The following COX8A variants were observed in gnomAD, a reference collection of about 807,000 sequenced individuals.
COX8A encodes the protein cytochrome c oxidase subunit 8A, mitochondrial.
COX8A carries 6 observed loss-of-function variants against 4.4 expected under a neutral mutation model. That is an observed-to-expected ratio of 1.36 (90% CI 0.74 to 2.68). COX8A has a LOEUF of 2.68. Ranked by LOEUF, COX8A falls within the 30% of genes most tolerant of loss-of-function variation. COX8A has a pLI of 0.00. For missense variants in COX8A, 72 were observed against 89.6 expected, an observed-to-expected ratio of 0.80 and a Z score of 0.79; for synonymous variants, 53 against 47.1, an observed-to-expected ratio of 1.12 and a Z score of -0.51.
In COX8A at chr11:63,974,792, A is replaced by T; in HGVS notation, c.112A>T (p.Met38Leu). Residue 38 changes from methionine (M) to leucine (L), a missense_variant and splice_region_variant, in exon 1 of 2, where the codon ATG becomes TTG. Physicochemically the swap from Met to Leu is conservative, Grantham distance 15. Coordinates refer to ENST00000314133, the MANE Select transcript of COX8A (RefSeq NM_004074.3). The stretch of plus-strand genomic sequence containing the variant: ...GCCGCCGGAGGGGAAGCTTGGGATC[A>T]TGGTGAGGAACGGGCCTGGAAGAGC... Reference protein sequence around the residue: ...SLPPEGKLGIMELAVGLTSCF... With the variant: ...SLPPEGKLGILELAVGLTSCF... 5 of 1,600,860 alleles carry T rather than the reference A, an allele frequency of 3.1e-6. No homozygotes were observed. Among genetic ancestry groups the T allele is most frequent in the Non-Finnish European group, 4.3e-6 (5 of 1,173,438 alleles).
At chr11:63,975,125 C>T (rs1942527948) in intron 1 of COX8A, among the ~76,000 whole-genome samples, 1 of 152,180 alleles carries the variant, frequency 6.6e-6, no homozygotes. Context: ...TGGGGGATGC[C>T]TGACGCTGTC....
At chr11:63,975,760 T>A (rs1942534550) in intron 1 of COX8A, among the ~76,000 whole-genome samples, 1 of 151,848 alleles carries the variant, frequency 6.6e-6, no homozygotes. Flanking sequence ...TTTTGTATTT[T>A]TAGTAGAGAC....
At position 63,974,703 on chromosome 11, in the gene COX8A, T is replaced by G. The variant is rs1292209992; in HGVS notation, c.23T>G (p.Leu8Arg). The G allele has an allele frequency of 1.9e-6, 3 of 1,609,948 alleles. No individual in the cohort carries two copies. Among genetic ancestry groups the G allele is most frequent in the Admixed American group, 1.7e-5 (1 of 59,538 alleles). The stretch of plus-strand genomic sequence containing the variant: ...ATCATGTCCGTCCTGACGCCGCTGC[T>G]GCTGCGGGGCTTGACAGGCTCGGCC... Reference protein sequence around the residue: MSVLTPLLLRGLTGSARR... With the variant: MSVLTPLRLRGLTGSARR... The change falls in exon 1 of 2, where the codon CTG becomes CGG. Residue 8 changes from leucine to arginine, a missense_variant. Coordinates refer to ENST00000314133, the MANE Select transcript of COX8A (RefSeq NM_004074.3).
chr11:63,975,794 C>T (rs976765942), intron 1 of COX8A, among the ~76,000 whole-genome samples: 4 of 151,770 alleles, frequency 2.6e-5, no homozygotes, highest in Non-Finnish European at 5.9e-5. Flanking sequence ...GTTGGTCAGG[C>T]TGGTCTCTAA....
At chr11:63,976,537 AACTTT>A (rs1421648667) in exon 2 of COX8A, 51 of 561,558 alleles carry the variant, frequency 9.1e-5, no homozygotes, top group Admixed American at 8.1e-4. Flanking sequence ...AATCTATTTA[AACTTT>A]ACTTCAGAAA....
At position 63,976,503 on chromosome 11, in the gene COX8A, G is replaced by C. The variant is rs1191988486; in HGVS notation, c.*183G>C. On this transcript the variant is annotated 3_prime_UTR_variant, in exon 2 of 2. Transcript: ENST00000314133. ...CCTTGGGGGTCACTGACCCTGCTTG[G>C]TGGGGTCCCCCTTGTAACAATAAAA... The C allele has an allele frequency of 1.7e-6, 1 of 601,446 alleles. No individual in the cohort carries two copies. The highest frequency in any genetic ancestry group is 3.0e-6 in the Non-Finnish European group (1 of 337,512). The allele number at this position is 601,446 out of a possible 1,614,324, so 37.3% of individuals were successfully genotyped here.
At position 63,976,318 on chromosome 11, in the gene COX8A, T is replaced by G. The variant is rs1299846549; in HGVS notation, c.208T>G (p.Ter70GlyextTer44). 1.1e-5 allele frequency: 17 copies of G among 1,613,650 alleles called. No homozygotes were observed. Among genetic ancestry groups the G allele is most frequent in the Non-Finnish European group, 1.4e-5 (17 of 1,179,868 alleles). Residue 70 changes from the stop codon to glycine, a stop_lost, in exon 2 of 2, where the codon TGA (stop) becomes GGA (glycine). Transcript: ENST00000314133. ...SHLETYRRPE[*>G] ...CCTGGAGACCTACAGGAGGCCAGAG[T>G]GAAGGGGTCCGTTCTGTCCCTCACA...
intron 1 of COX8A, among the ~76,000 whole-genome samples, chr11:63,975,847 TG>T (rs1673898651): frequency 6.6e-6 from 1 of 152,230 alleles, no homozygotes; most frequent in African/African-American, 2.4e-5. Context: ...CCCAAATTGC[TG>T]GGATTACAGG....
At position 63,976,399 on chromosome 11, in the gene COX8A, C is replaced by A; in HGVS notation, c.*79C>A. The A allele has an allele frequency of 1.5e-6, 2 of 1,312,534 alleles. No homozygotes were observed. The highest frequency in any genetic ancestry group is 2.2e-6 in the Non-Finnish European group (2 of 909,552). 81.3% of individuals were successfully genotyped at this position (1,312,534 alleles called of 1,614,324 possible). A position where few individuals can be genotyped will look rare whatever the true frequency, so the allele number is the denominator to read the frequency against. ...CTGGTCATGTTACTGCATTTGTGGC[C>A]GGCCTCCCCTGGATCATGTCATTCA... On this transcript the variant is annotated 3_prime_UTR_variant, in exon 2 of 2. Coordinates refer to ENST00000314133, the MANE Select transcript of COX8A (RefSeq NM_004074.3).
chr11:63,975,948 A>G lies in COX8A; in HGVS notation c.115-277A>G, dbSNP rs11605797. Among the ~76,000 whole-genome samples, 42,041 of 152,040 alleles carry G rather than the reference A, an allele frequency of 0.28. 7,380 individuals are homozygous for G. Among genetic ancestry groups the G allele is most frequent in the Non-Finnish European group, 0.39 (26,633 of 67,978 alleles). ...CCCTTCCTTTACCATCTGGTGGTGC[A>G]TTTCTCCCTGAACCCTAACCCCAGC... is the stretch of plus-strand genomic sequence containing the variant. On this transcript the variant is annotated intron_variant, in intron 1 of 1. Coordinates refer to ENST00000314133, the MANE Select transcript of COX8A (RefSeq NM_004074.3).
At chr11:63,976,100 C>A in intron 1 of COX8A, 125 bp from the exon 2 acceptor site, 1 of 830,382 alleles carries the variant, frequency 1.2e-6, no homozygotes, top group South Asian at 1.4e-5. Context: ...GGATGCGGGG[C>A]CTCCCACTTG....
In COX8A at chr11:63,976,255, G is replaced by A; in HGVS notation, c.145G>A (p.Val49Met). 1.9e-6 allele frequency: 3 copies of A among 1,614,140 alleles called. No homozygotes were observed. Among genetic ancestry groups the A allele is most frequent in the African/African-American group, 1.3e-5 (1 of 75,016 alleles). The change falls in exon 2 of 2, where the codon GTG becomes ATG. Residue 49 changes from valine (V) to methionine (M), a missense_variant. By Grantham distance (21) the Val-to-Met change is conservative. Transcript: ENST00000314133. ...ELAVGLTSCF[V>M]TFLLPAGWIL... The stretch of plus-strand genomic sequence containing the variant: ...GGCCGTTGGGCTTACCTCCTGCTTC[G>A]TGACCTTCCTCCTGCCAGCGGGCTG...
In COX8A at chr11:63,976,492, G is replaced by A. The variant is rs965769284; in HGVS notation, c.*172G>A. On this transcript the variant is annotated 3_prime_UTR_variant, in exon 2 of 2. Coordinates refer to ENST00000314133, the MANE Select transcript of COX8A (RefSeq NM_004074.3). ...CATGGTGACCTCCTTGGGGGTCACT[G>A]ACCCTGCTTGGTGGGGTCCCCCTTG... 2.9e-5 allele frequency: 18 copies of A among 613,888 alleles called. No homozygotes were observed. In the Middle Eastern group the frequency reaches 1.8e-3, roughly 60 times the overall value. 38.0% of individuals were successfully genotyped at this position (613,888 alleles called of 1,614,324 possible). A position where few individuals can be genotyped will look rare whatever the true frequency, so the allele number is the denominator to read the frequency against.
intron 1 of COX8A, 105 bp from the exon 2 acceptor site, chr11:63,976,120 C>G: frequency 9.3e-7 from 1 of 1,073,340 alleles, no homozygotes; most frequent in South Asian, 1.3e-5. Flanking sequence ...GCCTCTGAGT[C>G]CTGGCTCCCT....
In COX8A at chr11:63,976,523, A is replaced by G; in HGVS notation, c.*203A>G. 1.7e-6 allele frequency: 1 copy of G among 578,992 alleles called. No individual in the cohort carries two copies. Among genetic ancestry groups the G allele is most frequent in the Non-Finnish European group, 3.1e-6 (1 of 323,880 alleles). 35.9% of individuals were successfully genotyped at this position (578,992 alleles called of 1,614,324 possible). On this transcript the variant is annotated 3_prime_UTR_variant, in exon 2 of 2. Transcript: ENST00000314133. The stretch of plus-strand genomic sequence containing the variant: ...GCTTGGTGGGGTCCCCCTTGTAACA[A>G]TAAAATCTATTTAAACTTTACTTCA...
intron 1 of COX8A, among the ~76,000 whole-genome samples, chr11:63,975,768 G>T (rs1198122926): frequency 6.6e-6 from 1 of 151,956 alleles, no homozygotes; most frequent in Non-Finnish European, 1.5e-5. Flanking sequence ...TTTTAGTAGA[G>T]ACGGGGTTTC....
At position 63,976,277 on chromosome 11, in the gene COX8A, G is replaced by C. The variant is rs1053541731; in HGVS notation, c.167G>C (p.Gly56Ala). Residue 56 changes from glycine (G) to alanine (A), a missense_variant, in exon 2 of 2, where the codon GGC becomes GCC. Transcript: ENST00000314133. ...TTCGTGACCTTCCTCCTGCCAGCGG[G>C]CTGGATCCTGTCACACCTGGAGACC... ...SCFVTFLLPA[G>A]WILSHLETYR... 73 of 1,614,182 alleles carry C rather than the reference G, an allele frequency of 4.5e-5. No individual in the cohort carries two copies. The highest frequency in any genetic ancestry group is 6.1e-5 in the Non-Finnish European group (72 of 1,180,038).
intron 1 of COX8A, among the ~76,000 whole-genome samples, chr11:63,975,389 G>C (rs1438796180): frequency 6.6e-6 from 1 of 151,912 alleles, no homozygotes; most frequent in Non-Finnish European, 1.5e-5. Flanking sequence ...ATGTTGGCCA[G>C]GATGGTCTCG....
chr11:63,975,060 G>T (rs1043208507), intron 1 of COX8A, among the ~76,000 whole-genome samples: 1 of 152,102 alleles, frequency 6.6e-6, no homozygotes, highest in South Asian at 2.1e-4. Flanking sequence ...TCCTCGCTGC[G>T]CCGCCTCCTG....
Sources: gnomAD v4.1 joint callset for allele counts (sites outside exome capture counted in the v4.1 genomes callset) on GRCh38, gnomAD v4.1.1 for gene constraint, MANE v1.5 for transcripts, NCBI Gene and HGNC (gene_info 2026-07-23, HGNC 2026-07-21) for gene names.